The following KCNC3 variants were observed in gnomAD, a reference collection of about 807,000 sequenced individuals.
KCNC3 encodes the protein potassium voltage-gated channel subfamily C member 3.
KCNC3 carries 22 observed loss-of-function variants against 43.9 expected under a neutral mutation model. That is an observed-to-expected ratio of 0.50 (90% confidence interval 0.36 to 0.72). KCNC3 has a LOEUF of 0.72. KCNC3 is among the 30% of genes least tolerant of loss of function. The pLI, the probability that KCNC3 is intolerant of heterozygous loss-of-function variation, is 0.00. For missense variants in KCNC3, 829 were observed against 1,073.8 expected (o/e 0.77, Z 3.19); for synonymous variants, 492 against 488.0 (o/e 1.01, Z -0.11).
chr19:50,319,770 C>T (rs1028871648), intron 4 of KCNC3, among the ~76,000 whole-genome samples: 1 of 152,200 alleles, frequency 6.6e-6, no homozygotes, highest in African/African-American at 2.4e-5. Context: ...GGTTGAACTC[C>T]CCATGCCCAG....
At position 50,328,448 on chromosome 19, in the gene KCNC3, T is replaced by TTGGCGGCGC. The variant is rs1362223282; in HGVS notation, c.626_634dup (p.Ala211_Asn212insSerAlaAla). 1 of 1,527,186 alleles carries TTGGCGGCGC rather than the reference T, an allele frequency of 6.5e-7. No homozygotes were observed. Among genetic ancestry groups the TTGGCGGCGC allele is most frequent in the Non-Finnish European group, 8.8e-7 (1 of 1,135,796 alleles). The allele number at this position is 1,527,186 out of a possible 1,614,324, so 94.6% of individuals were successfully genotyped here. A position where few individuals can be genotyped will look rare whatever the true frequency, so the allele number is the denominator to read the frequency against. On this transcript the variant is annotated inframe_insertion, in exon 1 of 5. Transcript: ENST00000477616. ...GTGGGCGCCTGCGGCGTTGGCGGCG[T>TTGGCGGCGC]TGGCGGCGCCCGCGGGGTCGGGCGC...
rs1177963201 is a variant in KCNC3 at position 50,323,988 on chromosome 19, G to A, written c.965C>T (p.Thr322Met). The change falls in exon 2 of 5, where the codon ACG (threonine) becomes ATG (methionine). Residue 322 changes from threonine to methionine, a missense_variant. Thr to Met is a moderately conservative substitution (Grantham distance 81). Coordinates refer to ENST00000477616, the MANE Select transcript of KCNC3 (RefSeq NM_004977.3). ...GGGGATCGGGGAGGCCTGGGTCACC[G>A]TCTTGTTGCTAATATGGATGAAGCC... ...HEGFIHISNK[T>M]VTQASPIPGA... The A allele has an allele frequency of 6.2e-6, 10 of 1,612,828 alleles. No individual in the cohort carries two copies. The highest frequency in any genetic ancestry group is 2.2e-5 in the East Asian group (1 of 44,842).
At chr19:50,321,029 G>A (rs2037027659) in intron 2 of KCNC3, among the ~76,000 whole-genome samples, 1 of 133,390 alleles carries the variant, frequency 7.5e-6, no homozygotes, top group African/African-American at 3.5e-5. Context: ...GTGCTGGGAA[G>A]GGCGACTGCA....
chr19:50,317,045 G>A (rs1405821327), intron 4 of KCNC3, among the ~76,000 whole-genome samples: 2 of 118,244 alleles, frequency 1.7e-5, no homozygotes, highest in Non-Finnish European at 3.7e-5. Context: ...CTCACCCATA[G>A]GCCCACACCC....
Position 50,323,354 on chromosome 19 carries a change from C to T in KCNC3, c.1599G>A (p.Met533Ile). 1 of 1,614,154 alleles carries T rather than the reference C, an allele frequency of 6.2e-7. No homozygotes were observed. Among genetic ancestry groups the T allele is most frequent in the Non-Finnish European group, 8.5e-7 (1 of 1,180,042 alleles). The change falls in exon 2 of 5, where the codon ATG becomes ATA. Residue 533 changes from methionine (M) to isoleucine (I), a missense_variant. Met to Ile is a conservative substitution (Grantham distance 10). Coordinates refer to ENST00000477616, the MANE Select transcript of KCNC3 (RefSeq NM_004977.3). ...CALAGVLTIA[M>I]PVPVIVNNFG... is the part of the protein sequence containing the mutation. Reference sequence around the variant, plus strand: ...AGTTGTTGACAATGACGGGCACAGGCATGGCGATGGTCAGCACCCCCGCCA... The same window carrying T: ...AGTTGTTGACAATGACGGGCACAGGTATGGCGATGGTCAGCACCCCCGCCA...
Position 50,323,499 on chromosome 19 carries a change from G to T in KCNC3, c.1454C>A (p.Thr485Asn). ...GCCAATGGGGATGTTCTTGAAGTAG[G>T]TGTGGTTGGAGCCCAGGATGTCATC... ...DPDDILGSNHTYFKNIPIGFW... is the reference protein window; with the variant it reads ...DPDDILGSNHNYFKNIPIGFW... Residue 485 changes from threonine (T) to asparagine (N), a missense_variant, in exon 2 of 5, where the codon ACC becomes AAC. Around this residue, in one of 7 missense-constraint regions of KCNC3, gnomAD observed 21 missense variants for 21.0 expected, o/e 1.00. Transcript: ENST00000477616. 3 of 1,614,210 alleles carry T rather than the reference G, an allele frequency of 1.9e-6. No individual in the cohort carries two copies. The highest frequency in any genetic ancestry group is 2.5e-6 in the Non-Finnish European group (3 of 1,180,032).
At chr19:50,327,052 T>C (rs1359023169) in intron 1 of KCNC3, among the ~76,000 whole-genome samples, 5 of 150,952 alleles carry the variant, frequency 3.3e-5, no homozygotes, top group Non-Finnish European at 7.4e-5. Flanking sequence ...GGGTTTGAGG[T>C]TAGAAAAAGT....
chr19:50,328,981 T>TGGC lies in KCNC3; in HGVS notation c.99_101dup (p.Pro35dup). 2 of 1,073,542 alleles carry TGGC rather than the reference T, an allele frequency of 1.9e-6. No individual in the cohort carries two copies. Among genetic ancestry groups the TGGC allele is most frequent in the East Asian group, 3.7e-5 (1 of 26,692 alleles). The allele number at this position is 1,073,542 out of a possible 1,614,324, so 66.5% of individuals were successfully genotyped here. ...GCTGCTGCTGCTGCGGCGGCAGCGG[T>TGGC]GGCGGCGGCGGGGACTCGGGCGGCT... is the stretch of plus-strand genomic sequence containing the variant. On this transcript the variant is annotated inframe_insertion, in exon 1 of 5. Coordinates refer to ENST00000477616, the MANE Select transcript of KCNC3 (RefSeq NM_004977.3).
Sources: gnomAD v4.1 joint callset for allele counts (sites outside exome capture counted in the v4.1 genomes callset) on GRCh38, gnomAD v4.1.1 for gene constraint, gnomAD v4.1.1 regional missense constraint, MANE v1.5 for transcripts, NCBI Gene and HGNC (gene_info 2026-07-23, HGNC 2026-07-21) for gene names.